The following RBFOX1 variants were observed in gnomAD, a reference collection of about 807,000 sequenced individuals.
The protein encoded by RBFOX1 is RNA binding fox-1 homolog 1.
A neutral mutation model predicts 57.7 loss-of-function variants in RBFOX1; 8 were observed. The ratio of observed to expected loss-of-function variants is 0.14; its 90% CI spans 0.08 to 0.25. The LOEUF (loss-of-function observed/expected upper bound fraction) is 0.25. Among genes scored for constraint, RBFOX1 ranks in the 10% least tolerant of loss-of-function variants. The probability of loss-of-function intolerance (pLI) is 1.00; values close to 1 mark genes in which losing one functional copy is unlikely to be tolerated. For synonymous variants in RBFOX1, 326 were observed against 222.4 expected (o/e 1.47, Z -4.15); for missense variants, 611 against 548.5 (o/e 1.11, Z -1.14).
intron 2 of RBFOX1, among the ~76,000 whole-genome samples, chr16:6,389,860 A>G (rs1186806240): frequency 6.6e-6 from 1 of 152,124 alleles, no homozygotes; most frequent in Non-Finnish European, 1.5e-5. Flanking sequence ...AGTATTTGGG[A>G]TAATAGGATT....
At chr16:6,838,824 T>C (rs1263577833) in intron 3 of RBFOX1, among the ~76,000 whole-genome samples, 2 of 152,164 alleles carry the variant, frequency 1.3e-5, no homozygotes, top group Non-Finnish European at 2.9e-5. Flanking sequence ...ATTCTCAGCT[T>C]TCTCAGGTGC....
chr16:5,957,809 T>G (rs1011861241), intron 4 of RBFOX1, among the ~76,000 whole-genome samples: 1 of 152,200 alleles, frequency 6.6e-6, no homozygotes, highest in Admixed American at 6.5e-5. Flanking sequence ...ATCCTTTGTG[T>G]TACAAACAAT....
At chr16:7,266,829 G>C (rs1414421360) in intron 4 of RBFOX1, among the ~76,000 whole-genome samples, 1 of 152,172 alleles carries the variant, frequency 6.6e-6, no homozygotes, top group African/African-American at 2.4e-5. Context: ...GGAATTACAA[G>C]TTTGGAAACT....
At chr16:7,526,998 C>A (rs2078853143) in intron 5 of RBFOX1, among the ~76,000 whole-genome samples, 1 of 152,194 alleles carries the variant, frequency 6.6e-6, no homozygotes, top group Non-Finnish European at 1.5e-5. Context: ...ACTCATTTCA[C>A]CCTGGGGAGG....
intron 3 of RBFOX1, among the ~76,000 whole-genome samples, chr16:6,937,208 G>A (rs1356080435): frequency 6.6e-6 from 1 of 151,964 alleles, no homozygotes; most frequent in Non-Finnish European, 1.5e-5. Flanking sequence ...ATGTCTGTAA[G>A]AAATCAAAAT....
intron 2 of RBFOX1, among the ~76,000 whole-genome samples, chr16:6,447,350 C>T (rs1244249646): frequency 6.6e-6 from 1 of 152,182 alleles, no homozygotes; most frequent in African/African-American, 2.4e-5. Context: ...TAACAGATCC[C>T]TCAAGACCAA....
At chr16:5,360,765 C>A (rs1175514100) in intron 1 of RBFOX1, among the ~76,000 whole-genome samples, 2 of 152,204 alleles carry the variant, frequency 1.3e-5, no homozygotes, top group Non-Finnish European at 2.9e-5. Flanking sequence ...CTGAAACTGT[C>A]TTTTCAGGAC....
At chr16:5,730,479 C>G (rs898220511) in intron 3 of RBFOX1, among the ~76,000 whole-genome samples, 1 of 152,192 alleles carries the variant, frequency 6.6e-6, no homozygotes, top group South Asian at 2.1e-4. Flanking sequence ...ATCTATGATC[C>G]TATCAGTGTC....
At chr16:7,407,373 G>GGTGT (rs77358035) in intron 4 of RBFOX1, among the ~76,000 whole-genome samples, 2,296 of 149,642 alleles carry the variant, frequency 0.015, 47 homozygotes, top group African/African-American at 0.048. Flanking sequence ...GATTTGTATG[G>GGTGT]GTGTGTGTGT....
At chr16:7,708,930 G>A in intron 14 of RBFOX1, 126 bp from the exon 15 acceptor site, 1 of 785,486 alleles carries the variant, frequency 1.3e-6, no homozygotes, top group Non-Finnish European at 2.2e-6. Context: ...CAGCAGAGTA[G>A]AATTTGCTTC....
At chr16:5,999,588 T>G (rs183935397) in intron 4 of RBFOX1, among the ~76,000 whole-genome samples, 3 of 152,130 alleles carry the variant, frequency 2.0e-5, no homozygotes, top group African/African-American at 4.8e-5. Flanking sequence ...GCGGCTGGGC[T>G]TGGTGGCTCA....
At chr16:7,363,383 A>C (rs551651305) in intron 4 of RBFOX1, among the ~76,000 whole-genome samples, 9 of 152,290 alleles carry the variant, frequency 5.9e-5, no homozygotes, top group African/African-American at 1.2e-4. Flanking sequence ...AACAAAGCCA[A>C]TTGCATTACC....
intron 3 of RBFOX1, among the ~76,000 whole-genome samples, chr16:6,896,475 A>G (rs2066945242): frequency 6.6e-6 from 1 of 151,926 alleles, no homozygotes; most frequent in South Asian, 2.1e-4. Flanking sequence ...CATGAGTTCA[A>G]TTGTTTTGAC....
At chr16:6,899,179 TAA>T (rs2067816613) in intron 3 of RBFOX1, among the ~76,000 whole-genome samples, 1 of 141,870 alleles carries the variant, frequency 7.0e-6, no homozygotes, top group African/African-American at 2.7e-5. Flanking sequence ...TGTGTGTGTA[TAA>T]TATGTGTGTG....
intron 3 of RBFOX1, among the ~76,000 whole-genome samples, chr16:6,688,546 G>A (rs755508639): frequency 1.8e-4 from 27 of 152,306 alleles, no homozygotes; most frequent in Admixed American, 8.5e-4. Flanking sequence ...CCCAAGCACC[G>A]TAGTGGGGAC....
At chr16:6,020,263 C>T (rs1267657308) in intron 1 of RBFOX1, among the ~76,000 whole-genome samples, 1 of 152,100 alleles carries the variant, frequency 6.6e-6, no homozygotes, top group Non-Finnish European at 1.5e-5. Flanking sequence ...CCGAAGCATC[C>T]AGGCTACCTC....
intron 3 of RBFOX1, among the ~76,000 whole-genome samples, chr16:6,709,557 A>G (rs905589500): frequency 1.3e-5 from 2 of 152,194 alleles, no homozygotes; most frequent in African/African-American, 4.8e-5. Context: ...TGTGAAGGGT[A>G]TTAATCTTCA....
chr16:6,360,493 G>C (rs1224039919), intron 2 of RBFOX1, among the ~76,000 whole-genome samples: 1 of 152,074 alleles, frequency 6.6e-6, no homozygotes, highest in African/African-American at 2.4e-5. Context: ...TACACCTCAG[G>C]TTTTTATTAT....
Position 5,496,582 on chromosome 16 carries a change from C to T in RBFOX1, c.258+29328C>T, listed in dbSNP as rs575741372. Among the ~76,000 whole-genome samples, 62 of 152,236 alleles carry T rather than the reference C, an allele frequency of 4.1e-4. 2 individuals are homozygous for T. The highest frequency in any genetic ancestry group is 1.0e-3 in the South Asian group (5 of 4,828). On this transcript the variant is annotated intron_variant, in intron 2 of 2. Coordinates refer to the RBFOX1 transcript ENST00000585867. ...ATCATTTAGGAGGAAGCTTGCTTTTCTCTCTCTCTTAGTCACAGATGTCGG... is the reference window on the plus strand; with the variant it reads ...ATCATTTAGGAGGAAGCTTGCTTTTTTCTCTCTCTTAGTCACAGATGTCGG...
Sources: allele counts gnomAD v4.1 joint callset (sites outside exome capture counted in the v4.1 genomes callset), GRCh38; gene constraint gnomAD v4.1.1; transcripts MANE v1.5; gene names NCBI Gene and HGNC (gene_info 2026-07-23, HGNC 2026-07-21).